The following CALN1 variants were observed in gnomAD, a reference collection of about 807,000 sequenced individuals.
The protein encoded by CALN1 is calneuron 1.
In CALN1, 17 loss-of-function variants were observed where a neutral mutation model predicts 30.6. That is an observed-to-expected ratio of 0.56 (90% CI 0.38 to 0.83). The LOEUF (loss-of-function observed/expected upper bound fraction) is 0.83. Ranked by LOEUF, CALN1 falls within the 40% of genes least tolerant of loss-of-function variation. The pLI, the probability that CALN1 is intolerant of heterozygous loss-of-function variation, is 0.00. For missense variants in CALN1, 291 were observed against 354.9 expected (o/e 0.82, Z 1.45); for synonymous variants, 156 against 131.4 (o/e 1.19, Z -1.28).
intron 5 of CALN1, among the ~76,000 whole-genome samples, chr7:71,855,968 G>A (rs2116624689): frequency 6.6e-6 from 1 of 152,106 alleles, no homozygotes; most frequent in East Asian, 1.9e-4. Flanking sequence ...CTGTGTGCGT[G>A]CACATTATAT....
At chr7:72,337,324 G>GCCCCCAC in intron 2 of CALN1, 1 of 979,494 alleles carries the variant, frequency 1.0e-6, no homozygotes, top group Non-Finnish European at 1.2e-6. Context: ...GGGTCGGGGA[G>GCCCCCAC]CCCCCACCCC....
At chr7:72,073,570 T>A (rs1804540224) in intron 4 of CALN1, among the ~76,000 whole-genome samples, 1 of 152,116 alleles carries the variant, frequency 6.6e-6, no homozygotes. Flanking sequence ...AGGGGAATAA[T>A]AAAAGTGTTT....
chr7:71,812,644 C>T (rs1247744629), intron 5 of CALN1, among the ~76,000 whole-genome samples: 2 of 152,126 alleles, frequency 1.3e-5, no homozygotes, highest in Non-Finnish European at 2.9e-5. Flanking sequence ...TCAGAAATTC[C>T]TGGCGTTGCA....
chr7:72,303,027 G>C (rs182563232), intron 2 of CALN1, among the ~76,000 whole-genome samples: 2 of 150,928 alleles, frequency 1.3e-5, no homozygotes, highest in African/African-American at 4.9e-5. Flanking sequence ...GATACAGTGA[G>C]CTATGATGGT....
chr7:72,353,546 G>GA (rs1803060300), intron 2 of CALN1, among the ~76,000 whole-genome samples: 1 of 152,108 alleles, frequency 6.6e-6, no homozygotes, highest in Admixed American at 6.6e-5. Context: ...TGAAAACTTA[G>GA]AAAGTTTGGA....
chr7:72,415,849 G>A (rs933790642), upstream of CALN1, among the ~76,000 whole-genome samples: 2 of 152,186 alleles, frequency 1.3e-5, no homozygotes, highest in African/African-American at 2.4e-5. Flanking sequence ...GTACCACCAC[G>A]CTCCTTCACC....
chr7:71,979,409 G>T (rs1381843157), intron 5 of CALN1, among the ~76,000 whole-genome samples: 1 of 152,130 alleles, frequency 6.6e-6, no homozygotes, highest in Non-Finnish European at 1.5e-5. Flanking sequence ...GGGAGACAGT[G>T]ACAGATCATC....
chr7:71,853,768 C>T (rs1421895983), intron 5 of CALN1, among the ~76,000 whole-genome samples: 4 of 151,914 alleles, frequency 2.6e-5, no homozygotes, highest in African/African-American at 2.4e-5. Context: ...TTAGTAGAGA[C>T]GGGGTTTCAC....
chr7:72,207,721 T>C (rs975388310), intron 3 of CALN1, among the ~76,000 whole-genome samples: 1 of 152,202 alleles, frequency 6.6e-6, no homozygotes, highest in African/African-American at 2.4e-5. Context: ...CAGTTTCATA[T>C]AATTAACAGA....
chr7:71,906,719 A>G lies in CALN1; in HGVS notation c.502-96227T>C, dbSNP rs2116974734. 1.3e-5 allele frequency among the ~76,000 whole-genome samples: 2 copies of G among 152,310 alleles called. 1 individual carries two copies. Among genetic ancestry groups the G allele is most frequent in the Middle Eastern group, 6.8e-3 (2 of 294 alleles). Reference sequence around the variant, plus strand: ...AATGAGCAAACTTCAAAATAATGCAAGTTTTCATGAGAATGATGAAGGAAA... The same window carrying G: ...AATGAGCAAACTTCAAAATAATGCAGGTTTTCATGAGAATGATGAAGGAAA... On this transcript the variant is annotated intron_variant, in intron 5 of 6. Transcript: ENST00000395275.
chr7:72,344,694 CATT>C (rs1466381238), intron 2 of CALN1, among the ~76,000 whole-genome samples: 1 of 142,644 alleles, frequency 7.0e-6, no homozygotes, highest in Non-Finnish European at 1.5e-5. Flanking sequence ...TAATTATTTA[CATT>C]TTTATTTATA....
chr7:71,790,412 GAAAGAAAGAA>G lies in CALN1; in HGVS notation c.659-2520_659-2511del, dbSNP rs1331320907. Reference sequence around the variant, plus strand: ...AGAAAGAAAGAAAGAAAGAAAGAAAGAAAGAAAGAAAGAAGCAAGCAAGCAAGTGGGCTTT... The same window carrying G: ...AGAAAGAAAGAAAGAAAGAAAGAAAGAGAAGCAAGCAAGCAAGTGGGCTTT... On this transcript the variant is annotated intron_variant, in intron 6 of 6. Transcript: ENST00000395275. Among the ~76,000 whole-genome samples the G allele has an allele frequency of 1.0e-4, 15 of 146,706 alleles. No individual in the cohort carries two copies. In the Admixed American group the frequency reaches 1.1e-3, roughly 10 times the overall value.
chr7:72,111,378 A>G lies in CALN1; in HGVS notation c.245-5084T>C, dbSNP rs565300800. Among the ~76,000 whole-genome samples the G allele has an allele frequency of 4.6e-5, 7 of 152,368 alleles. No individual in the cohort carries two copies. The East Asian group carries it at 1.3e-3, about 29-fold the overall frequency. Reference sequence around the variant, plus strand: ...GAGCCCCTCCTCCCTAAAGGGAAGCAGAGAGTCTTGAGCCAAGCAAGGACT... The same window carrying G: ...GAGCCCCTCCTCCCTAAAGGGAAGCGGAGAGTCTTGAGCCAAGCAAGGACT... On this transcript the variant is annotated intron_variant, in intron 3 of 6. Transcript: ENST00000395275.
intron 5 of CALN1, among the ~76,000 whole-genome samples, chr7:71,881,450 C>G (rs1792560428): frequency 6.6e-6 from 1 of 152,172 alleles, no homozygotes; most frequent in African/African-American, 2.4e-5. Flanking sequence ...TTTGAAATAG[C>G]CCAGTCCTGG....
intron 5 of CALN1, among the ~76,000 whole-genome samples, chr7:71,980,819 C>T (rs1268704946): frequency 1.3e-5 from 2 of 152,122 alleles, no homozygotes; most frequent in Non-Finnish European, 2.9e-5. Flanking sequence ...CGGGGTGCTC[C>T]TCCCCTCCTG....
At chr7:71,894,188 C>T (rs773383827) in intron 5 of CALN1, among the ~76,000 whole-genome samples, 1 of 152,084 alleles carries the variant, frequency 6.6e-6, no homozygotes, top group African/African-American at 2.4e-5. Context: ...TATTTATAAA[C>T]GGGTTTAATT....
chr7:71,850,285 G>A (rs1243992333), intron 5 of CALN1, among the ~76,000 whole-genome samples: 4 of 152,058 alleles, frequency 2.6e-5, no homozygotes, highest in African/African-American at 9.7e-5. Context: ...GCACATTCTC[G>A]GCTCACTGCA....
At chr7:72,358,769 T>G (rs1310048094) in intron 2 of CALN1, among the ~76,000 whole-genome samples, 1 of 151,922 alleles carries the variant, frequency 6.6e-6, no homozygotes, top group Non-Finnish European at 1.5e-5. Context: ...GCCAACATGG[T>G]GAAACTCCGT....
At chr7:72,105,949 T>G (rs1194609705) in intron 4 of CALN1, among the ~76,000 whole-genome samples, 1 of 152,010 alleles carries the variant, frequency 6.6e-6, no homozygotes, top group African/African-American at 2.4e-5. Flanking sequence ...CACCCCATCC[T>G]ATAGTGGCCC....
Sources: gnomAD v4.1 joint callset for allele counts (sites outside exome capture counted in the v4.1 genomes callset) on GRCh38, gnomAD v4.1.1 for gene constraint, MANE v1.5 for transcripts, NCBI Gene and HGNC (gene_info 2026-07-23, HGNC 2026-07-21) for gene names.